The following FAM78B variants were observed in gnomAD, a reference collection of about 807,000 sequenced individuals.
FAM78B encodes the protein family with sequence similarity 78 member B.
A neutral mutation model predicts 20.0 loss-of-function variants in FAM78B; 10 were observed. The observed-to-expected ratio is 0.50, with a 90% CI of 0.31 to 0.85. FAM78B has a LOEUF of 0.85. Ranked by LOEUF, FAM78B falls within the 40% of genes least tolerant of loss-of-function variation. The pLI is 0.05. For missense variants in FAM78B, 283 were observed against 345.0 expected, an observed-to-expected ratio of 0.82 and a Z score of 1.42; for synonymous variants, 135 against 132.8, an observed-to-expected ratio of 1.02 and a Z score of -0.12.
At chr1:166,110,036 G>GT (rs574591994) in intron 1 of FAM78B, among the ~76,000 whole-genome samples, 1 of 149,358 alleles carries the variant, frequency 6.7e-6, no homozygotes, top group Non-Finnish European at 1.5e-5. Context: ...ACCAAACATC[G>GT]TATGTTCTCA....
intron 1 of FAM78B, among the ~76,000 whole-genome samples, chr1:166,159,203 G>C (rs566224408): frequency 6.6e-6 from 1 of 152,302 alleles, no homozygotes; most frequent in South Asian, 2.1e-4. Context: ...GATATGAATG[G>C]AGGGCTGACC....
chr1:166,136,376 G>A (rs116586472), intron 1 of FAM78B, among the ~76,000 whole-genome samples: 2,574 of 152,284 alleles, frequency 0.017, 81 homozygotes, highest in African/African-American at 0.059. Context: ...GGGACAGGGT[G>A]TGAGGGTTGG....
At chr1:166,163,400 A>G (rs1428964246) in intron 1 of FAM78B, among the ~76,000 whole-genome samples, 1 of 152,232 alleles carries the variant, frequency 6.6e-6, no homozygotes, top group Admixed American at 6.5e-5. Context: ...AAAGTTTACA[A>G]TTTAAACCAC....
chr1:166,109,465 C>T (rs1221047769), intron 1 of FAM78B, among the ~76,000 whole-genome samples: 2 of 151,988 alleles, frequency 1.3e-5, no homozygotes, highest in Non-Finnish European at 1.5e-5. Context: ...TGTGGTATCA[C>T]CTCACTCCTG....
rs986991987 is a variant in FAM78B, at chr1:166,166,292, G to A, written c.-44C>T. ...CACGGCGCGGCGTGGGGCAGCGCGG[G>A]GGCCCGCGCGGGCAGCCGGGGGCGC... is the stretch of plus-strand genomic sequence containing the variant. On this transcript the variant is annotated 5_prime_UTR_variant, in exon 1 of 2. Transcript: ENST00000354422. The A allele has an allele frequency of 2.5e-6, 3 of 1,196,010 alleles. No individual in the cohort carries two copies. The highest frequency in any genetic ancestry group is 4.5e-5 in the Admixed American group (1 of 22,160). 74.1% of individuals were successfully genotyped at this position (1,196,010 alleles called of 1,614,324 possible).
intron 1 of FAM78B, among the ~76,000 whole-genome samples, chr1:166,149,223 AC>A (rs1655589046): frequency 6.6e-6 from 1 of 151,898 alleles, no homozygotes; most frequent in Non-Finnish European, 1.5e-5. Flanking sequence ...TCGCACATGT[AC>A]CCTAAAACTT....
At chr1:166,163,732 T>C (rs1412957451) in intron 1 of FAM78B, among the ~76,000 whole-genome samples, 2 of 152,234 alleles carry the variant, frequency 1.3e-5, no homozygotes, top group Admixed American at 1.3e-4. Flanking sequence ...AATTGGTTCA[T>C]TCAAATTTGG....
intron 1 of FAM78B, among the ~76,000 whole-genome samples, chr1:166,135,961 A>T (rs1450743053): frequency 6.6e-6 from 1 of 152,186 alleles, no homozygotes; most frequent in Non-Finnish European, 1.5e-5. Context: ...TTAACAAGAG[A>T]TCTAGTCTCC....
chr1:166,115,953 T>C (rs73041247), intron 1 of FAM78B, among the ~76,000 whole-genome samples: 6,621 of 152,332 alleles, frequency 0.043, 474 homozygotes, highest in African/African-American at 0.15. Context: ...TGTAATGTTC[T>C]AGAGAGATGT....
chr1:166,067,406 G>A (rs1433641161), downstream of FAM78B, among the ~76,000 whole-genome samples: 3 of 151,994 alleles, frequency 2.0e-5, no homozygotes, highest in Non-Finnish European at 4.4e-5. Context: ...GCCATGTGTT[G>A]TGTGTGTGTC....
At chr1:166,134,442 C>G (rs1408196333) in intron 1 of FAM78B, among the ~76,000 whole-genome samples, 2 of 151,902 alleles carry the variant, frequency 1.3e-5, no homozygotes, top group Non-Finnish European at 2.9e-5. Context: ...GGCTGAGTAC[C>G]CCCTAGCTTT....
Position 166,112,610 on chromosome 1 carries a change from C to T in FAM78B, c.264-41847G>A, listed in dbSNP as rs145417451. Among the ~76,000 whole-genome samples the T allele has an allele frequency of 3.4e-3, 512 of 152,288 alleles. 3 individuals are homozygous for T. Among genetic ancestry groups the T allele is most frequent in the African/African-American group, 0.012 (485 of 41,560 alleles). ...ACTCCAGCTGCTCCTTTCTGAGGAG[C>T]CTTATTATTCAAGGAGTGGCTAGAA... On this transcript the variant is annotated intron_variant, in intron 1 of 1. Transcript: ENST00000354422.
intron 1 of FAM78B, among the ~76,000 whole-genome samples, chr1:166,079,133 A>G (rs1263912369): frequency 3.9e-5 from 6 of 151,952 alleles, no homozygotes; most frequent in African/African-American, 1.5e-4. Context: ...GAGTCTTGCT[A>G]TGTTACCCAG....
intron 1 of FAM78B, among the ~76,000 whole-genome samples, chr1:166,117,636 A>G (rs559568541): frequency 2.6e-5 from 4 of 152,318 alleles, no homozygotes; most frequent in South Asian, 2.1e-4. Flanking sequence ...TGTTTTATTC[A>G]AGGCAGGAAT....
At chr1:166,063,641 C>T (rs938581416) in intron 2 of FAM78B, among the ~76,000 whole-genome samples, 4 of 152,180 alleles carry the variant, frequency 2.6e-5, no homozygotes, top group African/African-American at 4.8e-5. Context: ...CAAACAATCT[C>T]TCCTCCTTTA....
At chr1:166,089,052 G>A (rs770692265) in intron 1 of FAM78B, among the ~76,000 whole-genome samples, 2 of 152,024 alleles carry the variant, frequency 1.3e-5, no homozygotes, top group African/African-American at 2.4e-5. Flanking sequence ...TCAGAGCCTC[G>A]GCAGACACTG....
chr1:166,134,539 AATAAGT>A (rs1044884955), intron 1 of FAM78B, among the ~76,000 whole-genome samples: 2 of 151,862 alleles, frequency 1.3e-5, no homozygotes, highest in Admixed American at 1.3e-4. Flanking sequence ...TAATAATAAT[AATAAGT>A]ATAAGGTTAA....
At chr1:166,067,497 C>T (rs374804655), downstream of FAM78B, among the ~76,000 whole-genome samples, 4 of 152,032 alleles carry the variant, frequency 2.6e-5, no homozygotes, top group African/African-American at 7.2e-5. Flanking sequence ...GGCGTCAGGC[C>T]CAGGCATTTT....
intron 1 of FAM78B, among the ~76,000 whole-genome samples, chr1:166,105,828 C>T (rs1653753944): frequency 1.3e-5 from 2 of 151,594 alleles, no homozygotes; most frequent in South Asian, 4.2e-4. Flanking sequence ...ACTAGAAATA[C>T]CATTTGACCC....
Sources: gnomAD v4.1 joint callset for allele counts (sites outside exome capture counted in the v4.1 genomes callset) on GRCh38, gnomAD v4.1.1 for gene constraint, MANE v1.5 for transcripts, NCBI Gene and HGNC (gene_info 2026-07-23, HGNC 2026-07-21) for gene names.